The following TCL1A variants were observed in gnomAD, a reference collection of about 807,000 sequenced individuals.
TCL1A encodes T-cell leukemia/lymphoma protein 1A.
TCL1A carries 9 observed loss-of-function variants against 16.9 expected under a neutral mutation model. That is an observed-to-expected ratio of 0.53 (90% CI 0.32 to 0.93). The LOEUF is 0.93. TCL1A is among the 40% of genes least tolerant of loss of function. The pLI is 0.04. For missense variants in TCL1A, 139 were observed against 153.0 expected (o/e 0.91, Z 0.48); for synonymous variants, 69 against 63.2 (o/e 1.09, Z -0.44).
intron 1 of TCL1A, 76 bp downstream of exon 1, chr14:95,713,871 T>G (rs1410412120): frequency 6.3e-7 from 1 of 1,585,844 alleles, no homozygotes; most frequent in East Asian, 2.2e-5. Flanking sequence ...CCTTGAGTCC[T>G]CGCCCTTCCT....
intron 3 of TCL1A, chr14:95,711,511 C>A: frequency 2.3e-6 from 1 of 426,118 alleles, no homozygotes; most frequent in Non-Finnish European, 4.2e-6. Context: ...CCAGCTGAAA[C>A]TTGTGAAGTA....
At chr14:95,713,870 C>T (rs553861137) in intron 1 of TCL1A, 77 bp downstream of exon 1, 3 of 1,584,692 alleles carry the variant, frequency 1.9e-6, no homozygotes, top group Non-Finnish European at 1.7e-6. Context: ...TCCTTGAGTC[C>T]TCGCCCTTCC....
At chr14:95,713,282 A>T (rs1595067200) in intron 1 of TCL1A, among the ~76,000 whole-genome samples, 1 of 152,144 alleles carries the variant, frequency 6.6e-6, no homozygotes, top group African/African-American at 2.4e-5. Flanking sequence ...TCTTCAGTGT[A>T]TGTTTGGAGA....
Position 95,711,793 on chromosome 14 carries a change from C to T in TCL1A, c.307G>A (p.Val103Met), listed in dbSNP as rs112842119. 1,031 of 1,611,682 alleles carry T rather than the reference C, an allele frequency of 6.4e-4. 6 individuals carry two copies. The African/African-American group carries it at 0.011, about 17-fold the overall frequency. The change falls in exon 3 of 4, where the codon GTG becomes ATG. Residue 103 changes from valine to methionine, a missense_variant. Coordinates refer to ENST00000402399, the MANE Select transcript of TCL1A (RefSeq NM_021966.3). ...RLVYHIKIDG[V>M]EDMLLELLPD... ...AGCAGCTCGAGAAGCATGTCCTCCA[C>T]GCCGTCAATCTGAGAGGCAGAGAGA...
In TCL1A at chr14:95,712,338, C is replaced by T; in HGVS notation, c.179G>A (p.Arg60Lys). The change falls in exon 2 of 4, where the codon AGG becomes AAG. Residue 60 changes from arginine (R) to lysine (K), a missense_variant. By Grantham distance (26) the Arg-to-Lys change is conservative. Coordinates refer to ENST00000402399, the MANE Select transcript of TCL1A (RefSeq NM_021966.3). ...GCCTATCTGGGTGGGGGTCATAGGCCTCCCCAGGACGACGTCTTCCCGACG... is the reference window on the plus strand; with the variant it reads ...GCCTATCTGGGTGGGGGTCATAGGCTTCCCCAGGACGACGTCTTCCCGACG... ...LLRREDVVLGRPMTPTQIGPS... is the reference protein window; with the variant it reads ...LLRREDVVLGKPMTPTQIGPS... The T allele has an allele frequency of 6.2e-7, 1 of 1,613,952 alleles. No homozygotes were observed.
chr14:95,711,135 G>T (rs1886336306), intron 3 of TCL1A, among the ~76,000 whole-genome samples: 2 of 152,092 alleles, frequency 1.3e-5, no homozygotes, highest in African/African-American at 4.8e-5. Flanking sequence ...TGGCTCAGCT[G>T]ATATAATCAA....
At chr14:95,713,586 T>G (rs1595067561) in intron 1 of TCL1A, among the ~76,000 whole-genome samples, 2 of 152,308 alleles carry the variant, frequency 1.3e-5, no homozygotes, top group East Asian at 1.9e-4. Flanking sequence ...TACAGATTTC[T>G]GGGACCCACC....
chr14:95,711,906 C>G, intron 2 of TCL1A, 104 bp from the exon 3 acceptor site: 1 of 1,460,464 alleles, frequency 6.8e-7, no homozygotes, highest in Non-Finnish European at 9.3e-7. Flanking sequence ...CAGGTAGGAA[C>G]CCAGGTGTGA....
At chr14:95,711,470 A>C in intron 3 of TCL1A, 1 of 323,216 alleles carries the variant, frequency 3.1e-6, no homozygotes, top group Non-Finnish European at 5.8e-6. Flanking sequence ...CTCATCTCAA[A>C]AAAAAAAAAA....
At chr14:95,713,372 A>C (rs1886430759) in intron 1 of TCL1A, among the ~76,000 whole-genome samples, 1 of 152,216 alleles carries the variant, frequency 6.6e-6, no homozygotes, top group African/African-American at 2.4e-5. Context: ...TTTAACAAAA[A>C]CTTAACATGG....
chr14:95,713,772 C>T (rs532058626), intron 1 of TCL1A, among the ~76,000 whole-genome samples, 175 bp downstream of exon 1: 1 of 152,340 alleles, frequency 6.6e-6, no homozygotes, highest in South Asian at 2.1e-4. Flanking sequence ...CACCCTTCTT[C>T]CCTGCCTGGA....
At position 95,712,467 on chromosome 14, in the gene TCL1A, C is replaced by T. The variant is rs913378619; in HGVS notation, c.121-71G>A. 61 of 1,536,916 alleles carry T rather than the reference C, an allele frequency of 4.0e-5. No homozygotes were observed. The Middle Eastern group carries it at 9.8e-4, about 25-fold the overall frequency. ...CAGGGCTTCTCCAGGCGCAGAAAAC[C>T]GGAATCCCTCCTGCCAGCCATCCAC... On this transcript the variant is annotated intron_variant, in intron 1 of 3. Transcript: ENST00000402399.
chr14:95,711,805 G>C lies in TCL1A; in HGVS notation c.298-3C>G. The C allele has an allele frequency of 6.2e-7, 1 of 1,609,884 alleles. No homozygotes were observed. Among genetic ancestry groups the C allele is most frequent in the Non-Finnish European group, 8.5e-7 (1 of 1,179,882 alleles). On this transcript the variant is annotated splice_polypyrimidine_tract_variant and splice_region_variant and intron_variant, in intron 2 of 3. Coordinates refer to ENST00000402399, the MANE Select transcript of TCL1A (RefSeq NM_021966.3). ...AGCATGTCCTCCACGCCGTCAATCT[G>C]AGAGGCAGAGAGAGAGAGAAGGCAT...
chr14:95,713,901 G>A (rs957840502), intron 1 of TCL1A, 46 bp downstream of exon 1: 1 of 1,606,660 alleles, frequency 6.2e-7, no homozygotes, highest in African/African-American at 1.3e-5. Context: ...CAAGCTCCCA[G>A]GGGCTGCCCC....
intron 3 of TCL1A, 145 bp downstream of exon 3, chr14:95,711,602 GCC>G: frequency 9.8e-6 from 8 of 814,518 alleles, no homozygotes; most frequent in Admixed American, 5.2e-5. Context: ...AGACATGAGT[GCC>G]TCCAGGAAGC....
rs1043206915 is a variant in TCL1A, at chr14:95,712,481, C to T, written c.121-85G>A. 3 of 1,528,034 alleles carry T rather than the reference C, an allele frequency of 2.0e-6. No individual in the cohort carries two copies. In the African/African-American group the frequency reaches 4.1e-5, roughly 21 times the overall value. 94.7% of individuals were successfully genotyped at this position (1,528,034 alleles called of 1,614,324 possible). ...GCGCAGAAAACCGGAATCCCTCCTG[C>T]CAGCCATCCACCCATCTGGGCAGGG... On this transcript the variant is annotated intron_variant, in intron 1 of 3. Transcript: ENST00000402399.
intron 1 of TCL1A, 107 bp from the exon 2 acceptor site, chr14:95,712,503 AG>A: frequency 6.6e-7 from 1 of 1,509,072 alleles, no homozygotes; most frequent in Non-Finnish European, 8.8e-7. Flanking sequence ...CCATCTGGGC[AG>A]GGGTCCGAGT....
Position 95,712,398 on chromosome 14 carries a change from TGAG to T in TCL1A, c.121-5_121-3del, listed in dbSNP as rs1389090547. The T allele has an allele frequency of 6.9e-6, 11 of 1,596,164 alleles. No individual in the cohort carries two copies. Among genetic ancestry groups the T allele is most frequent in the Admixed American group, 1.7e-5 (1 of 58,648 alleles). On this transcript the variant is annotated splice_polypyrimidine_tract_variant and splice_region_variant and intron_variant, in intron 1 of 3. Coordinates refer to ENST00000402399, the MANE Select transcript of TCL1A (RefSeq NM_021966.3). ...CCGTAACTGTAACCTATCCTTTATC[TGAG>T]GAGAAGAAAAGGACAGGGCATACTT...
Position 95,710,202 on chromosome 14 carries a change from G to C in TCL1A, c.*686C>G, listed in dbSNP as rs1451075667. Reference sequence around the variant, plus strand: ...TCCACGTGGGCAAGCCAAGGGTTCTGAGGGCTCATCCACAGGGCTCGCCGG... The same window carrying C: ...TCCACGTGGGCAAGCCAAGGGTTCTCAGGGCTCATCCACAGGGCTCGCCGG... On this transcript the variant is annotated 3_prime_UTR_variant, in exon 4 of 4. Transcript: ENST00000402399. 6.6e-6 allele frequency: 1 copy of C among 152,402 alleles called. No homozygotes were observed. Among genetic ancestry groups the C allele is most frequent in the African/African-American group, 2.4e-5 (1 of 41,452 alleles). 9.4% of individuals were successfully genotyped at this position (152,402 alleles called of 1,614,324 possible).
Sources: gnomAD v4.1 joint callset for allele counts (sites outside exome capture counted in the v4.1 genomes callset) on GRCh38, gnomAD v4.1.1 for gene constraint, MANE v1.5 for transcripts, NCBI Gene and HGNC (gene_info 2026-07-23, HGNC 2026-07-21) for gene names.